Variants in MYL11 observed in about 807,000 individuals in gnomAD.
MYL11 encodes myosin regulatory light chain 11.
At chr16:30,375,464 CAAAAAAAAAAA>C in the MYL11 span, among the ~76,000 whole-genome samples, 3,791 of 74,532 alleles carry the variant, frequency 0.051, 83 homozygotes, top group Non-Finnish European at 0.087. Context: ...GACTCTGTCT[CAAAAAAAAAAA>C]AAAAAAGAAA....
At chr16:30,375,368 G>A in the MYL11 span, among the ~76,000 whole-genome samples, 1 of 151,858 alleles carries the variant, frequency 6.6e-6, no homozygotes, top group African/African-American at 2.4e-5. Context: ...CGGAGGCTGG[G>A]GCATAAGAAT....
the MYL11 span, chr16:30,377,892 C>G: frequency 6.2e-7 from 1 of 1,610,792 alleles, no homozygotes; most frequent in South Asian, 1.1e-5. Context: ...CGCCAAGGAC[C>G]AGGAGTAGGG....
the MYL11 span, chr16:30,376,794 C>G: frequency 7.8e-7 from 1 of 1,280,696 alleles, no homozygotes; most frequent in South Asian, 1.3e-5. Flanking sequence ...AGGCTGGGCC[C>G]TGTGGCTCAG....
At chr16:30,375,755 C>A in the MYL11 span, 1 of 1,344,666 alleles carries the variant, frequency 7.4e-7, no homozygotes, top group Non-Finnish European at 1.1e-6. Context: ...GACTCTTAAT[C>A]CATTGCCCCC....
At chr16:30,377,723 G>GGCCGGA in the MYL11 span, 1 of 1,586,180 alleles carries the variant, frequency 6.3e-7, no homozygotes, top group African/African-American at 1.3e-5. Context: ...ACCGGGGCGG[G>GGCCGGA]GCCGGAGCAG....
chr16:30,372,278 T>C, the MYL11 span: 1 of 152,576 alleles, frequency 6.6e-6, no homozygotes, highest in Admixed American at 6.5e-5. Context: ...GGGCAGCTGC[T>C]AAGTTTAGGG....
At chr16:30,377,939 G>C in the MYL11 span, 4 of 1,561,012 alleles carry the variant, frequency 2.6e-6, no homozygotes, top group African/African-American at 1.4e-5. Flanking sequence ...GCTTCTGTTC[G>C]GCCCGACCTC....
the MYL11 span, chr16:30,377,920 C>A: frequency 6.3e-7 from 1 of 1,591,388 alleles, no homozygotes; most frequent in South Asian, 1.1e-5. Flanking sequence ...CGGGCCTCCG[C>A]TGCCCGACGC....
At chr16:30,376,346 A>G in the MYL11 span, 3 of 1,531,132 alleles carry the variant, frequency 2.0e-6, no homozygotes, top group Non-Finnish European at 2.7e-6. Flanking sequence ...AATGAATGGG[A>G]TCAGCTGAAT....
chr16:30,377,725 C>A, the MYL11 span: 1 of 1,584,836 alleles, frequency 6.3e-7, no homozygotes, highest in Non-Finnish European at 8.6e-7. Context: ...CGGGGCGGGG[C>A]CGGAGCAGCA....
chr16:30,372,147 C>T, the MYL11 span, among the ~76,000 whole-genome samples: 2 of 152,132 alleles, frequency 1.3e-5, no homozygotes, highest in African/African-American at 4.8e-5. Context: ...TTTTTGGAGT[C>T]CTCCTCCTCT....
the MYL11 span, among the ~76,000 whole-genome samples, chr16:30,373,423 G>T: frequency 1.3e-5 from 2 of 152,130 alleles, no homozygotes; most frequent in Non-Finnish European, 2.9e-5. Flanking sequence ...GGGAAACCCC[G>T]TCTCTACTAA....
chr16:30,376,568 T>C, the MYL11 span: 1 of 1,613,908 alleles, frequency 6.2e-7, no homozygotes, highest in Non-Finnish European at 8.5e-7. Context: ...GGCTGCCTTT[T>C]CCCAGACCCT....
At chr16:30,376,018 T>A in the MYL11 span, 1 of 1,485,046 alleles carries the variant, frequency 6.7e-7, no homozygotes, top group Non-Finnish European at 9.3e-7. Flanking sequence ...TTAGAATTCC[T>A]TCCTCCCCTC....
the MYL11 span, chr16:30,376,384 G>A: frequency 1.3e-6 from 2 of 1,590,120 alleles, no homozygotes; most frequent in South Asian, 1.1e-5. Context: ...CCGGCCCCAG[G>A]AGCCTGCTCC....
the MYL11 span, among the ~76,000 whole-genome samples, chr16:30,377,277 G>A: frequency 6.6e-6 from 1 of 151,952 alleles, no homozygotes; most frequent in East Asian, 1.9e-4. Flanking sequence ...CAGCTACTCC[G>A]GAGGCTGAGG....
chr16:30,373,726 C>T, the MYL11 span, among the ~76,000 whole-genome samples: 1 of 149,574 alleles, frequency 6.7e-6, no homozygotes, highest in African/African-American at 2.5e-5. Context: ...CGCACCATTG[C>T]ACTCCCACCT....
the MYL11 span, chr16:30,375,739 A>C: frequency 2.5e-5 from 30 of 1,209,018 alleles, no homozygotes; most frequent in Non-Finnish European, 3.3e-5. Context: ...GGACTCGAAG[A>C]ATTCTGACTC....
At chr16:30,377,908 C>A in the MYL11 span, 1 of 1,597,950 alleles carries the variant, frequency 6.3e-7, no homozygotes, top group African/African-American at 1.3e-5. Context: ...TAGGGGCACC[C>A]GCGGGCCTCC....
Sources: gnomAD v4.1 joint callset for allele counts (sites outside exome capture counted in the v4.1 genomes callset) on GRCh38, gnomAD v4.1.1 for gene constraint, MANE v1.5 for transcripts, NCBI Gene and HGNC (gene_info 2026-07-23, HGNC 2026-07-21) for gene names.